The following PMPCB variants were observed in gnomAD, a reference collection of about 807,000 sequenced individuals.
The protein encoded by PMPCB is mitochondrial-processing peptidase subunit beta.
PMPCB carries 46 observed loss-of-function variants against 61.5 expected under a neutral mutation model. That is an observed-to-expected ratio of 0.75 (90% CI 0.59 to 0.96). PMPCB has a LOEUF of 0.96. Among genes scored for constraint, PMPCB ranks in the 40% least tolerant of loss-of-function variants. PMPCB has a pLI of 0.00. For synonymous variants in PMPCB, 191 were observed against 201.6 expected, an observed-to-expected ratio of 0.95 and a Z score of 0.44; for missense variants, 590 against 602.4, an observed-to-expected ratio of 0.98 and a Z score of 0.22.
intron 12 of PMPCB, among the ~76,000 whole-genome samples, chr7:103,320,675 C>T (rs1040042933): frequency 2.7e-5 from 4 of 150,736 alleles, no homozygotes; most frequent in East Asian, 4.0e-4. Flanking sequence ...ACCCAGGAGG[C>T]GGAGCTTGCA....
chr7:103,331,623 C>T (rs1378268579), downstream of PMPCB, among the ~76,000 whole-genome samples: 1 of 152,210 alleles, frequency 6.6e-6, no homozygotes, highest in Non-Finnish European at 1.5e-5. Flanking sequence ...ATTTGCCTTT[C>T]TGTGCCTAGC....
At chr7:103,308,234 C>T (rs189286001) in intron 7 of PMPCB, among the ~76,000 whole-genome samples, 5 of 152,318 alleles carry the variant, frequency 3.3e-5, no homozygotes, top group African/African-American at 1.2e-4. Context: ...AAAGTAGTAT[C>T]TGGAAAATGC....
Position 103,300,212 on chromosome 7 carries a change from T to C in PMPCB, c.362T>C (p.Leu121Pro). 1 of 1,613,246 alleles carries C rather than the reference T, an allele frequency of 6.2e-7. No individual in the cohort carries two copies. Among genetic ancestry groups the C allele is most frequent in the Non-Finnish European group, 8.5e-7 (1 of 1,179,350 alleles). Residue 121 changes from leucine (L) to proline (P), a missense_variant, in exon 4 of 13, where the codon CTT (leucine) becomes CCT (proline). By Grantham distance (98) the Leu-to-Pro change is moderately conservative. Coordinates refer to ENST00000249269, the MANE Select transcript of PMPCB (RefSeq NM_004279.3). Reference protein sequence around the residue: ...TKKRSQLDLELEIENMGAHLN... With the variant: ...TKKRSQLDLEPEIENMGAHLN... ...AAGAGATCCCAGTTAGATCTGGAAC[T>C]TGAGATTGAAAATATGGGTGCTCAT... is the stretch of plus-strand genomic sequence containing the variant.
At chr7:103,346,360 T>C in the PMPCB span, among the ~76,000 whole-genome samples, 5 of 152,168 alleles carry the variant, frequency 3.3e-5, no homozygotes, top group East Asian at 7.7e-4. Context: ...CTCCAACTCC[T>C]GACCTCATGA....
chr7:103,338,267 CTT>C, the PMPCB span, among the ~76,000 whole-genome samples: 540 of 124,060 alleles, frequency 4.4e-3, 5 homozygotes, highest in African/African-American at 0.015. Context: ...AAGACCCTGT[CTT>C]TTTTTTTTTT....
rs901487579 is a variant in PMPCB, at chr7:103,326,469, AAG to A, written c.*1432-2459_*1432-2458del. 44 of 1,435,420 alleles carry A rather than the reference AAG, an allele frequency of 3.1e-5. No individual in the cohort carries two copies. In the African/African-American group the frequency reaches 4.1e-4, roughly 14 times the overall value. 88.9% of individuals were successfully genotyped at this position (1,435,420 alleles called of 1,614,324 possible). A position where few individuals can be genotyped will look rare whatever the true frequency, so the allele number is the denominator to read the frequency against. On this transcript the variant is annotated intron_variant and NMD_transcript_variant, in intron 12 of 12. Coordinates refer to the PMPCB transcript ENST00000444457. Reference sequence around the variant, plus strand: ...ATAAATGAAACTATTATCAGAGGGAAAGAGCAGAAACCTGGAAGACTACAATA... The same window carrying A: ...ATAAATGAAACTATTATCAGAGGGAAAGCAGAAACCTGGAAGACTACAATA...
chr7:103,316,098 T>G (rs778916756), downstream of PMPCB: 1 of 1,505,428 alleles, frequency 6.6e-7, no homozygotes, highest in South Asian at 1.2e-5. Context: ...TCTGATAGGA[T>G]ATATTATACA....
At position 103,307,977 on chromosome 7, in the gene PMPCB, T is replaced by C. The variant is rs544520636; in HGVS notation, c.849+269T>C. Among the ~76,000 whole-genome samples the C allele has an allele frequency of 3.9e-5, 6 of 152,382 alleles. No individual in the cohort carries two copies. The South Asian group carries it at 1.2e-3, about 32-fold the overall frequency. On this transcript the variant is annotated intron_variant, in intron 7 of 12. Transcript: ENST00000249269. ...AAGCAAAGTTTTTAAGAGCAGTTTA[T>C]AATTTGGTCTTTTTGTGCTTTTTCT...
chr7:103,322,473 A>G (rs955403983), intron 12 of PMPCB: 8 of 1,399,514 alleles, frequency 5.7e-6, no homozygotes, highest in Non-Finnish European at 7.7e-6. Flanking sequence ...AAGATTTCAT[A>G]AACATTTAAA....
chr7:103,299,302 A>G, intron 2 of PMPCB, 141 bp from the exon 3 acceptor site: 2 of 597,154 alleles, frequency 3.3e-6, no homozygotes, highest in Non-Finnish European at 5.9e-6. Flanking sequence ...AGTTCACAGG[A>G]ATGAACTATC....
chr7:103,317,106 T>G (rs1466754147), downstream of PMPCB: 2 of 1,098,964 alleles, frequency 1.8e-6, no homozygotes, highest in Non-Finnish European at 2.6e-6. Context: ...TCCTCAACTC[T>G]CAATGTCATT....
In PMPCB at chr7:103,311,846, T is replaced by G; in HGVS notation, c.1279T>G (p.Leu427Val). The G allele has an allele frequency of 6.2e-7, 1 of 1,613,450 alleles. No homozygotes were observed. Among genetic ancestry groups the G allele is most frequent in the Non-Finnish European group, 8.5e-7 (1 of 1,179,514 alleles). ...TTGTGAAGATATTGGTAGGCAAATG[T>G]TATGCTATAATAGAAGGATTCCCAT... Reference protein sequence around the residue: ...PICEDIGRQMLCYNRRIPIPE... With the variant: ...PICEDIGRQMVCYNRRIPIPE... The change falls in exon 11 of 13, where the codon TTA becomes GTA. Residue 427 changes from leucine to valine, a missense_variant. Physicochemically the swap from Leu to Val is conservative, Grantham distance 32 (BLOSUM62 1). Coordinates refer to ENST00000249269, the MANE Select transcript of PMPCB (RefSeq NM_004279.3).
chr7:103,344,569 A>T, the PMPCB span: 1 of 1,613,658 alleles, frequency 6.2e-7, no homozygotes, highest in South Asian at 1.1e-5. Flanking sequence ...CAGAGGTCAG[A>T]GCGTGGGTGA....
chr7:103,318,699 T>C (rs530589889), downstream of PMPCB, among the ~76,000 whole-genome samples: 2 of 152,338 alleles, frequency 1.3e-5, no homozygotes, highest in South Asian at 4.1e-4. Context: ...CCTGTTTTCT[T>C]ATCTGTAAAA....
In PMPCB at chr7:103,306,740, GCTTT is replaced by G. The variant is rs2115676094; in HGVS notation, c.737-851_737-848del. ...AGAATAAAGTTTATCTGTGTATCCA[GCTTT>G]CTTTTATTTATTTAATTTTATTTAT... is the stretch of plus-strand genomic sequence containing the variant. On this transcript the variant is annotated intron_variant, in intron 6 of 12. Transcript: ENST00000249269. Among the ~76,000 whole-genome samples, 3 of 152,040 alleles carry G rather than the reference GCTTT, an allele frequency of 2.0e-5. No individual in the cohort carries two copies. The East Asian group carries it at 5.8e-4, about 29-fold the overall frequency.
the PMPCB span, chr7:103,344,787 C>G: frequency 7.4e-6 from 5 of 674,624 alleles, no homozygotes; most frequent in Non-Finnish European, 1.3e-5. Flanking sequence ...CGGGATGGAT[C>G]TTTCGTGGTG....
the PMPCB span, among the ~76,000 whole-genome samples, chr7:103,346,957 A>G: frequency 6.6e-6 from 1 of 152,194 alleles, no homozygotes; most frequent in South Asian, 2.1e-4. Flanking sequence ...GCTTATGGAC[A>G]TGGATGTACA....
chr7:103,303,754 T>G, intron 4 of PMPCB, 88 bp from the exon 5 acceptor site: 1 of 797,580 alleles, frequency 1.3e-6, no homozygotes, highest in Non-Finnish European at 2.0e-6. Context: ...GATGGGTCAG[T>G]GTCATGATTT....
At chr7:103,328,615 A>G (rs1178850488) in intron 12 of PMPCB, among the ~76,000 whole-genome samples, 1 of 151,826 alleles carries the variant, frequency 6.6e-6, no homozygotes, top group Non-Finnish European at 1.5e-5. Context: ...TGGGTGACAG[A>G]GTGAGACTCT....
Sources: allele counts gnomAD v4.1 joint callset (sites outside exome capture counted in the v4.1 genomes callset), GRCh38; gene constraint gnomAD v4.1.1; transcripts MANE v1.5; gene names NCBI Gene and HGNC (gene_info 2026-07-23, HGNC 2026-07-21).